The following MAP2 variants were observed in gnomAD, a reference collection of about 807,000 sequenced individuals.
The protein encoded by MAP2 is microtubule associated protein 2.
A neutral mutation model predicts 137.6 loss-of-function variants in MAP2; 14 were observed. The observed-to-expected ratio is 0.10, with a 90% CI of 0.07 to 0.16. The LOEUF is 0.16. MAP2 is among the 10% of genes least tolerant of loss of function. The pLI, the probability that MAP2 is intolerant of heterozygous loss-of-function variation, is 1.00. For synonymous variants in MAP2, 786 were observed against 782.3 expected (o/e 1.00, Z -0.08); for missense variants, 2,088 against 2,191.5 (o/e 0.95, Z 0.94).
chr2:209,620,334 A>T (rs2153518162), intron 3 of MAP2, among the ~76,000 whole-genome samples: 1 of 152,348 alleles, frequency 6.6e-6, no homozygotes, highest in Non-Finnish European at 1.5e-5. Context: ...AAAGGAGATA[A>T]TTCTTACTGT....
In MAP2 at chr2:209,712,688, C is replaced by T. The variant is rs78468284; in HGVS notation, c.5073+2434C>T. Among the ~76,000 whole-genome samples, 446 of 152,238 alleles carry T rather than the reference C, an allele frequency of 2.9e-3. 3 individuals carry two copies. The highest frequency in any genetic ancestry group is 0.011 in the African/African-American group (437 of 41,558). ...ATATCATTCAACACTTCAGCACTCT[C>T]CCCTTAAAAGCCTCCTTACAGTGTG... On this transcript the variant is annotated intron_variant, in intron 13 of 15. Coordinates refer to ENST00000682079, the MANE Select transcript of MAP2 (RefSeq NM_001375505.1).
intron 4 of MAP2, among the ~76,000 whole-genome samples, 155 bp downstream of exon 4, chr2:209,625,284 T>C (rs549237923): frequency 6.0e-4 from 92 of 152,316 alleles, no homozygotes; most frequent in African/African-American, 2.1e-3. Context: ...TTAATAGTTA[T>C]AGCTAATAAA....
At chr2:209,625,655 T>C (rs1581147532) in intron 4 of MAP2, among the ~76,000 whole-genome samples, 1 of 152,258 alleles carries the variant, frequency 6.6e-6, no homozygotes, top group East Asian at 1.9e-4. Context: ...CCAGCTGTTA[T>C]TAGGAGAGTA....
chr2:209,573,330 A>G (rs1262132531), intron 2 of MAP2, among the ~76,000 whole-genome samples: 2 of 90,532 alleles, frequency 2.2e-5, no homozygotes, highest in African/African-American at 1.0e-4. Context: ...GTCTTACTCT[A>G]TTGCCCAGGC....
At chr2:209,463,139 A>G (rs548554551) in intron 1 of MAP2, among the ~76,000 whole-genome samples, 1 of 152,294 alleles carries the variant, frequency 6.6e-6, no homozygotes, top group Admixed American at 6.5e-5. Flanking sequence ...GAGATGAGAA[A>G]AGGCAGGAAG....
chr2:209,560,240 T>C (rs2071690385), intron 2 of MAP2, among the ~76,000 whole-genome samples: 1 of 152,240 alleles, frequency 6.6e-6, no homozygotes, highest in Admixed American at 6.5e-5. Flanking sequence ...TATTTTATTT[T>C]GTGATACATT....
intron 11 of MAP2, among the ~76,000 whole-genome samples, chr2:209,701,652 C>A (rs1054830604): frequency 6.6e-6 from 1 of 151,972 alleles, no homozygotes; most frequent in Non-Finnish European, 1.5e-5. Flanking sequence ...TTTCTTTGAT[C>A]TTGAACCTGA....
chr2:209,639,969 A>G (rs2093881119), intron 4 of MAP2, among the ~76,000 whole-genome samples: 1 of 152,108 alleles, frequency 6.6e-6, no homozygotes, highest in Non-Finnish European at 1.5e-5. Context: ...GAGATGCCAG[A>G]AGATGCTCAT....
In MAP2 at chr2:209,434,865, ATATATATGTTATATATATGT is replaced by A. The variant is rs1194583536; in HGVS notation, c.-222+10597_-222+10616del. 5.0e-3 allele frequency among the ~76,000 whole-genome samples: 556 copies of A among 110,600 alleles called. 10 individuals carry two copies. The highest frequency in any genetic ancestry group is 0.015 in the African/African-American group (455 of 30,662). The allele number at this position is 110,600 out of a possible 152,430, so 72.6% of individuals were successfully genotyped here. ...TATATATATGTTATATATATATGTT[ATATATATGTTATATATATGT>A]TATATATATGTTATATATATATGTT... On this transcript the variant is annotated intron_variant, in intron 1 of 15. Coordinates refer to ENST00000682079, the MANE Select transcript of MAP2 (RefSeq NM_001375505.1).
chr2:209,497,838 T>C (rs1046431921), intron 1 of MAP2, among the ~76,000 whole-genome samples: 13 of 152,268 alleles, frequency 8.5e-5, no homozygotes, highest in Middle Eastern at 3.4e-3. Flanking sequence ...AAACCCCTCC[T>C]ACTAGGCCCC....
chr2:209,705,444 A>G (rs2063123724), intron 11 of MAP2, 136 bp from the exon 12 acceptor site: 4 of 591,370 alleles, frequency 6.8e-6, no homozygotes, highest in Non-Finnish European at 1.1e-5. Context: ...AAATGTTTAT[A>G]AATATATGAA....
At chr2:209,700,465 C>A in intron 11 of MAP2, 127 bp downstream of exon 11, 1 of 704,816 alleles carries the variant, frequency 1.4e-6, no homozygotes, top group Non-Finnish European at 2.3e-6. Flanking sequence ...GTTCGCTCAC[C>A]CAGAAGATTC....
At chr2:209,442,332 C>T (rs1697993266) in intron 1 of MAP2, among the ~76,000 whole-genome samples, 1 of 151,478 alleles carries the variant, frequency 6.6e-6, no homozygotes, top group Non-Finnish European at 1.5e-5. Flanking sequence ...AGAACTTTAA[C>T]CTCAAAAAAT....
At chr2:209,648,460 G>A (rs571124058) in intron 4 of MAP2, among the ~76,000 whole-genome samples, 5 of 151,948 alleles carry the variant, frequency 3.3e-5, no homozygotes, top group Admixed American at 6.6e-5. Flanking sequence ...ATATATTGAC[G>A]TGTGTTTTGT....
chr2:209,520,658 A>G (rs1275672223), intron 2 of MAP2, among the ~76,000 whole-genome samples: 1 of 152,104 alleles, frequency 6.6e-6, no homozygotes, highest in Non-Finnish European at 1.5e-5. Context: ...AAGATTCTTC[A>G]GGCCGCTTAA....
intron 2 of MAP2, among the ~76,000 whole-genome samples, chr2:209,555,122 A>C (rs1459269279): frequency 6.6e-6 from 1 of 151,892 alleles, no homozygotes; most frequent in East Asian, 1.9e-4. Flanking sequence ...AAGATAGCAA[A>C]AGGGTGCCCA....
chr2:209,676,769 A>ATATATATC (rs2051916836), intron 5 of MAP2, among the ~76,000 whole-genome samples: 2 of 94,176 alleles, frequency 2.1e-5, no homozygotes, highest in Non-Finnish European at 4.2e-5. Context: ...ATATATATAT[A>ATATATATC]TATCTCCCAA....
intron 2 of MAP2, among the ~76,000 whole-genome samples, chr2:209,556,410 T>A (rs1299053128): frequency 1.3e-5 from 2 of 152,172 alleles, no homozygotes; most frequent in African/African-American, 2.4e-5. Flanking sequence ...TTAGACAAGT[T>A]ATTTCATTTT....
At chr2:209,714,677 T>C (rs1031780436) in intron 13 of MAP2, among the ~76,000 whole-genome samples, 3 of 152,222 alleles carry the variant, frequency 2.0e-5, no homozygotes. Context: ...TATATGGATC[T>C]ATTAAACTAA....
Sources: gnomAD v4.1 joint callset for allele counts (sites outside exome capture counted in the v4.1 genomes callset) on GRCh38, gnomAD v4.1.1 for gene constraint, MANE v1.5 for transcripts, NCBI Gene and HGNC (gene_info 2026-07-23, HGNC 2026-07-21) for gene names.